Variants in DPP6 observed in about 807,000 individuals in gnomAD.
DPP6 encodes A-type potassium channel modulatory protein DPP6.
DPP6 carries 69 observed loss-of-function variants against 122.6 expected under a neutral mutation model. The observed-to-expected ratio is 0.56, with a 90% CI of 0.46 to 0.69. The LOEUF is 0.69. Among genes scored for constraint, DPP6 ranks in the 30% least tolerant of loss-of-function variants. DPP6 has a pLI of 0.00. For missense variants in DPP6, 928 were observed against 1,116.9 expected (o/e 0.83, Z 2.41); for synonymous variants, 418 against 433.1 (o/e 0.97, Z 0.43).
rs551620062 is a variant in DPP6 at position 154,274,214 on chromosome 7, C to A, written c.244-172000C>A. Among the ~76,000 whole-genome samples the A allele has an allele frequency of 9.2e-5, 14 of 152,250 alleles. No homozygotes were observed. The South Asian group carries it at 2.7e-3, about 29-fold the overall frequency. On this transcript the variant is annotated intron_variant, in intron 1 of 25. Coordinates refer to ENST00000377770, the MANE Select transcript of DPP6 (RefSeq NM_130797.4). ...GGAATTCTGTAGTCCTGTCTCTGTT[C>A]CTTCTTTTATCCAAGGCTTCTCATT...
At chr7:154,485,520 T>G (rs534443828) in intron 3 of DPP6, among the ~76,000 whole-genome samples, 1 of 152,290 alleles carries the variant, frequency 6.6e-6, no homozygotes, top group Non-Finnish European at 1.5e-5. Flanking sequence ...TAACACAGTT[T>G]CAACAGTATC....
intron 12 of DPP6, 147 bp from the exon 13 acceptor site, chr7:154,801,208 G>A (rs1042384030): frequency 2.7e-5 from 30 of 1,106,128 alleles, no homozygotes; most frequent in Middle Eastern, 2.2e-4. Context: ...GGAAAGTGAC[G>A]GCCTCATCAA....
rs1294099620 is a variant in DPP6 at position 154,833,155 on chromosome 7, C to T, written c.1667-20625C>T. Among the ~76,000 whole-genome samples, 1 of 148,932 alleles carries T rather than the reference C, an allele frequency of 6.7e-6. No homozygotes were observed. The highest frequency in any genetic ancestry group is 1.5e-5 in the Non-Finnish European group (1 of 67,968). On this transcript the variant is annotated intron_variant, in intron 16 of 25. Coordinates refer to ENST00000377770, the MANE Select transcript of DPP6 (RefSeq NM_130797.4). This position sits in a 1 kb window ranked among gnomAD's most constrained non-coding sequence, Gnocchi z 4.3. The stretch of plus-strand genomic sequence containing the variant: ...GCTAAGTGGAGGCATCTCACTCACG[C>T]CATGCAAGCAGCCTGGGCTCCGATG...
chr7:153,911,311 A>G (rs1282603108), intron 1 of DPP6, among the ~76,000 whole-genome samples: 5 of 152,178 alleles, frequency 3.3e-5, no homozygotes, highest in Admixed American at 2.0e-4. Context: ...CTTCCCCAGT[A>G]TCATGATCCC....
chr7:154,801,290 T>C (rs200572784), intron 12 of DPP6, 65 bp from the exon 13 acceptor site: 109 of 1,544,446 alleles, frequency 7.1e-5, no homozygotes, highest in Non-Finnish European at 6.2e-5. Context: ...TATTTTATCC[T>C]GGTTCAACCT....
chr7:154,351,509 C>G (rs1194296794), intron 1 of DPP6, among the ~76,000 whole-genome samples: 1 of 152,104 alleles, frequency 6.6e-6, no homozygotes, highest in Non-Finnish European at 1.5e-5. Flanking sequence ...CAGACCCCAA[C>G]TCCTCCCTGA....
upstream of DPP6, among the ~76,000 whole-genome samples, chr7:154,047,451 TTGATCTA>T (rs1262577762): frequency 6.7e-6 from 1 of 149,616 alleles, no homozygotes; most frequent in Non-Finnish European, 1.5e-5. Context: ...CTAATACAGT[TTGATCTA>T]TGAACTAAGA....
intron 1 of DPP6, among the ~76,000 whole-genome samples, chr7:153,918,877 G>T (rs1450227208): frequency 6.7e-6 from 1 of 150,224 alleles, no homozygotes; most frequent in Non-Finnish European, 1.5e-5. Flanking sequence ...TACTTGGGAG[G>T]CTGAGGCATG....
intron 1 of DPP6, among the ~76,000 whole-genome samples, chr7:154,438,551 A>G (rs1031727733): frequency 1.3e-5 from 2 of 151,774 alleles, no homozygotes; most frequent in African/African-American, 4.8e-5. Flanking sequence ...TATTAAATCC[A>G]AGGGAAAAAT....
At chr7:154,396,435 G>A (rs540456988) in intron 1 of DPP6, among the ~76,000 whole-genome samples, 1 of 152,282 alleles carries the variant, frequency 6.6e-6, no homozygotes, top group African/African-American at 2.4e-5. Context: ...AGGAAGAAAG[G>A]GAGGGAGGGA....
At chr7:154,361,023 G>C (rs1811679120) in intron 1 of DPP6, among the ~76,000 whole-genome samples, 1 of 152,098 alleles carries the variant, frequency 6.6e-6, no homozygotes, top group South Asian at 2.1e-4. Context: ...TAAGATGCTG[G>C]ATTCTGTGGG....
At chr7:154,627,323 G>A (rs1323795493) in intron 5 of DPP6, among the ~76,000 whole-genome samples, 2 of 150,234 alleles carry the variant, frequency 1.3e-5, no homozygotes, top group East Asian at 3.9e-4. Flanking sequence ...AGCCTCCCAA[G>A]TAGCTGGGAC....
intron 25 of DPP6, 194 bp downstream of exon 25, chr7:154,889,724 CTCTGT>C (rs1319518881): frequency 2.4e-6 from 2 of 838,140 alleles, no homozygotes; most frequent in Non-Finnish European, 3.6e-6. Context: ...GATAGCTCCG[CTCTGT>C]ACTTCAGCCC....
intron 1 of DPP6, among the ~76,000 whole-genome samples, chr7:154,130,515 A>G (rs1281639199): frequency 6.6e-6 from 1 of 152,186 alleles, no homozygotes; most frequent in Non-Finnish European, 1.5e-5. Context: ...TACTTTCCTC[A>G]ATTCTCTTTT....
intron 1 of DPP6, among the ~76,000 whole-genome samples, chr7:154,370,012 T>G (rs191422667): frequency 4.2e-5 from 6 of 141,590 alleles, no homozygotes; most frequent in African/African-American, 1.5e-4. Context: ...AGATAGAGTC[T>G]CACTCTGTCA....
the DPP6 span, among the ~76,000 whole-genome samples, chr7:153,878,309 T>C: frequency 4.6e-5 from 7 of 152,110 alleles, no homozygotes; most frequent in Non-Finnish European, 2.9e-5. Context: ...CAGAAATTCT[T>C]ACATGTGTAA....
In DPP6 at chr7:154,821,930, G is replaced by A. The variant is rs144632532; in HGVS notation, c.1666+14818G>A. Among the ~76,000 whole-genome samples the A allele has an allele frequency of 1.6e-3, 249 of 152,034 alleles. No homozygotes were observed. Among genetic ancestry groups the A allele is most frequent in the Admixed American group, 4.4e-3 (67 of 15,264 alleles). Reference sequence around the variant, plus strand: ...CAGTAAGCCTTTGCAGACCCACAGCGGTGCTTCCGGTTAAAAGCCAGTGTG... The same window carrying A: ...CAGTAAGCCTTTGCAGACCCACAGCAGTGCTTCCGGTTAAAAGCCAGTGTG... On this transcript the variant is annotated intron_variant, in intron 16 of 25. Coordinates refer to ENST00000377770, the MANE Select transcript of DPP6 (RefSeq NM_130797.4). This position sits in a 1 kb window ranked among gnomAD's most constrained non-coding sequence, Gnocchi z 4.2.
the DPP6 span, among the ~76,000 whole-genome samples, chr7:153,829,127 C>G: frequency 6.6e-6 from 1 of 152,132 alleles, no homozygotes; most frequent in African/African-American, 2.4e-5. Context: ...ATTTGGGAGG[C>G]AAGAACCTTC....
At chr7:154,853,915 C>T (rs1802607979) in intron 17 of DPP6, 88 bp downstream of exon 17, 2 of 1,556,136 alleles carry the variant, frequency 1.3e-6, no homozygotes, top group Admixed American at 1.7e-5. Flanking sequence ...CCCACATTCT[C>T]CTACTCAGAG....
Sources: allele counts gnomAD v4.1 joint callset (sites outside exome capture counted in the v4.1 genomes callset), GRCh38; gene constraint gnomAD v4.1.1; non-coding constraint Gnocchi (gnomAD v3.1); transcripts MANE v1.5; gene names NCBI Gene and HGNC (gene_info 2026-07-23, HGNC 2026-07-21).